ZRANB3: variants seen among roughly 807,000 people sequenced by gnomAD.
The protein encoded by ZRANB3 is DNA annealing helicase and endonuclease ZRANB3.
In ZRANB3, 125 loss-of-function variants were observed where a neutral mutation model predicts 133.8. That is an observed-to-expected ratio of 0.93 (90% CI 0.81 to 1.08). The LOEUF (loss-of-function observed/expected upper bound fraction) is 1.08. ZRANB3 is among the 50% of genes least tolerant of loss of function. ZRANB3 has a pLI of 0.00. For missense variants in ZRANB3, 1,229 were observed against 1,275.5 expected (o/e 0.96, Z 0.56); for synonymous variants, 387 against 432.7 (o/e 0.89, Z 1.31).
At chr2:135,332,484 C>T (rs1684194317) in intron 6 of ZRANB3, among the ~76,000 whole-genome samples, 2 of 152,132 alleles carry the variant, frequency 1.3e-5, no homozygotes, top group Admixed American at 1.3e-4. Flanking sequence ...CAATCAATAA[C>T]ATTAGACATT....
chr2:135,310,777 T>A (rs1573885714), intron 8 of ZRANB3, among the ~76,000 whole-genome samples: 1 of 152,164 alleles, frequency 6.6e-6, no homozygotes, highest in Non-Finnish European at 1.5e-5. Flanking sequence ...CCATTTATTA[T>A]GTTTCTATAT....
intron 2 of ZRANB3, among the ~76,000 whole-genome samples, chr2:135,484,878 A>G (rs1574181022): frequency 6.6e-6 from 1 of 151,838 alleles, no homozygotes; most frequent in African/African-American, 2.4e-5. Flanking sequence ...TACTAAAAAT[A>G]CAAAAAAATT....
intron 2 of ZRANB3, among the ~76,000 whole-genome samples, chr2:135,502,168 C>T (rs552747495): frequency 3.9e-5 from 6 of 152,150 alleles, no homozygotes; most frequent in South Asian, 2.1e-4. Flanking sequence ...GGAAACATTG[C>T]CAAGTTTCCA....
In ZRANB3 at chr2:135,313,472, G is replaced by T; in HGVS notation, c.966+17C>A. 6.6e-7 allele frequency: 1 copy of T among 1,507,376 alleles called. No individual in the cohort carries two copies. The highest frequency in any genetic ancestry group is 9.2e-7 in the Non-Finnish European group (1 of 1,089,924). The allele number at this position is 1,507,376 out of a possible 1,614,324, so 93.4% of individuals were successfully genotyped here. A position where few individuals can be genotyped will look rare whatever the true frequency, so the allele number is the denominator to read the frequency against. On this transcript the variant is annotated intron_variant, in intron 8 of 20. Transcript: ENST00000264159. ...ATTTGTATGAAGACAAATACATGATGGCCCAGCAAAGAGTACCTTGGCAAT... is the reference window on the plus strand; with the variant it reads ...ATTTGTATGAAGACAAATACATGATTGCCCAGCAAAGAGTACCTTGGCAAT...
At chr2:135,313,696 T>C in intron 7 of ZRANB3, 91 bp from the exon 8 acceptor site, 2 of 755,970 alleles carry the variant, frequency 2.6e-6, no homozygotes, top group East Asian at 2.8e-5. Context: ...CTTTTTTTCC[T>C]TTTCTCTATA....
At chr2:135,264,579 C>T (rs894956854) in intron 12 of ZRANB3, among the ~76,000 whole-genome samples, 2 of 151,182 alleles carry the variant, frequency 1.3e-5, no homozygotes, top group Non-Finnish European at 2.9e-5. Flanking sequence ...GTTTTGGGAA[C>T]GGGGGGTCAC....
chr2:135,246,196 G>A (rs1199640684), intron 12 of ZRANB3, among the ~76,000 whole-genome samples: 1 of 151,194 alleles, frequency 6.6e-6, no homozygotes, highest in Non-Finnish European at 1.5e-5. Flanking sequence ...GAGCCACAGT[G>A]CCTGGCCATC....
At chr2:135,218,635 CT>C (rs1694411802) in intron 16 of ZRANB3, among the ~76,000 whole-genome samples, 1 of 152,092 alleles carries the variant, frequency 6.6e-6, no homozygotes, top group African/African-American at 2.4e-5. Context: ...GTGTTAAGAC[CT>C]CCCTGGCAGG....
At chr2:135,347,598 G>C (rs1320734785) in intron 5 of ZRANB3, among the ~76,000 whole-genome samples, 1 of 152,042 alleles carries the variant, frequency 6.6e-6, no homozygotes, top group African/African-American at 2.4e-5. Flanking sequence ...CAGTTCTCTT[G>C]GGTATATACC....
intron 2 of ZRANB3, among the ~76,000 whole-genome samples, chr2:135,419,332 A>G (rs1011897067): frequency 6.6e-6 from 1 of 151,974 alleles, no homozygotes. Context: ...ACATAAGATT[A>G]GGAAAGGTAT....
chr2:135,266,679 C>T (rs576086652), intron 11 of ZRANB3, among the ~76,000 whole-genome samples: 22 of 151,854 alleles, frequency 1.4e-4, no homozygotes, highest in South Asian at 2.1e-4. Context: ...GCAGGAGAAT[C>T]GCTTGAACCC....
intron 1 of ZRANB3, among the ~76,000 whole-genome samples, chr2:135,505,855 G>A (rs931951341): frequency 6.6e-6 from 1 of 152,092 alleles, no homozygotes; most frequent in Non-Finnish European, 1.5e-5. Context: ...ACACCTGATC[G>A]AATGGGAAGG....
intron 8 of ZRANB3, among the ~76,000 whole-genome samples, chr2:135,297,654 G>A (rs1402535105): frequency 1.3e-5 from 2 of 152,184 alleles, no homozygotes; most frequent in Admixed American, 6.5e-5. Flanking sequence ...GAAATCACCC[G>A]TCGTCTGCAT....
At chr2:135,227,096 T>C (rs1221383053) in intron 14 of ZRANB3, among the ~76,000 whole-genome samples, 1 of 152,232 alleles carries the variant, frequency 6.6e-6, no homozygotes, top group African/African-American at 2.4e-5. Flanking sequence ...ATCCCAACTA[T>C]TGGGTTTATC....
chr2:135,379,189 T>A (rs981236944), intron 3 of ZRANB3, among the ~76,000 whole-genome samples: 10 of 152,098 alleles, frequency 6.6e-5, no homozygotes, highest in African/African-American at 1.2e-4. Flanking sequence ...AAATTAAAAA[T>A]TTTTTTAAAA....
chr2:135,274,770 C>G (rs941265702), intron 9 of ZRANB3, among the ~76,000 whole-genome samples: 168 of 151,190 alleles, frequency 1.1e-3, no homozygotes, highest in African/African-American at 3.8e-3. Context: ...GAGGACCCTG[C>G]GGCCTTCCGC....
At chr2:135,427,257 A>T (rs1166561365) in intron 2 of ZRANB3, among the ~76,000 whole-genome samples, 1 of 152,166 alleles carries the variant, frequency 6.6e-6, no homozygotes, top group Non-Finnish European at 1.5e-5. Flanking sequence ...CCACGTAGGA[A>T]GAGAAAGAGT....
intron 12 of ZRANB3, among the ~76,000 whole-genome samples, chr2:135,258,338 G>A (rs1679764675): frequency 6.6e-6 from 1 of 152,192 alleles, no homozygotes; most frequent in African/African-American, 2.4e-5. Flanking sequence ...TCTCCAACCT[G>A]CCTGTGCATT....
chr2:135,301,053 C>G (rs979670691), intron 8 of ZRANB3, among the ~76,000 whole-genome samples: 11 of 152,152 alleles, frequency 7.2e-5, no homozygotes, highest in African/African-American at 2.7e-4. Flanking sequence ...CTCTGTCACC[C>G]AGGCTAGAAT....
Sources: allele counts gnomAD v4.1 joint callset (sites outside exome capture counted in the v4.1 genomes callset), GRCh38; gene constraint gnomAD v4.1.1; transcripts MANE v1.5; gene names NCBI Gene and HGNC (gene_info 2026-07-23, HGNC 2026-07-21).